Variants in CACNB2 observed in about 807,000 individuals in gnomAD.
CACNB2 encodes the protein calcium voltage-gated channel auxiliary subunit beta 2, also known as voltage-dependent L-type calcium channel subunit beta-2.
CACNB2 carries 42 observed loss-of-function variants against 73.3 expected under a neutral mutation model. That is an observed-to-expected ratio of 0.57 (90% CI 0.45 to 0.74). CACNB2 has a LOEUF of 0.74. Ranked by LOEUF, CACNB2 falls within the 30% of genes least tolerant of loss-of-function variation. The probability of loss-of-function intolerance (pLI) is 0.00; values close to 1 mark genes in which losing one functional copy is unlikely to be tolerated. For synonymous variants in CACNB2, 348 were observed against 310.3 expected (o/e 1.12, Z -1.28); for missense variants, 940 against 853.0 (o/e 1.10, Z -1.27).
intron 5 of CACNB2, 48 bp from the exon 6 acceptor site, chr10:18,506,423 G>A: frequency 1.1e-6 from 1 of 913,292 alleles, no homozygotes; most frequent in Non-Finnish European, 1.8e-6. Flanking sequence ...AATGTTTGAG[G>A]ATGCGAAATA....
intron 2 of CACNB2, among the ~76,000 whole-genome samples, chr10:18,397,311 A>G (rs1589236693): frequency 2.0e-5 from 3 of 152,268 alleles, no homozygotes; most frequent in African/African-American, 7.2e-5. Flanking sequence ...CTGAAAATAC[A>G]AAAATTAGCC....
intron 2 of CACNB2, among the ~76,000 whole-genome samples, chr10:18,193,422 A>G (rs985397875): frequency 6.6e-6 from 1 of 152,100 alleles, no homozygotes; most frequent in Non-Finnish European, 1.5e-5. Flanking sequence ...GCTTCTTTTT[A>G]TTAGGCCATT....
intron 3 of CACNB2, among the ~76,000 whole-genome samples, chr10:18,458,670 A>G (rs1194863137): frequency 3.9e-5 from 6 of 152,102 alleles, no homozygotes; most frequent in African/African-American, 1.4e-4. Flanking sequence ...ATTTTTTTTC[A>G]CTTGTTATTA....
chr10:18,198,040 A>G (rs2034705581), intron 2 of CACNB2, among the ~76,000 whole-genome samples: 1 of 148,096 alleles, frequency 6.8e-6, no homozygotes, highest in South Asian at 2.1e-4. Flanking sequence ...TAATATACAG[A>G]AAATATACAT....
chr10:18,164,497 C>T (rs1226533452), intron 2 of CACNB2, among the ~76,000 whole-genome samples: 3 of 152,080 alleles, frequency 2.0e-5, no homozygotes, highest in Non-Finnish European at 2.9e-5. Flanking sequence ...GACAATTCTG[C>T]AGGCAATGGG....
intron 3 of CACNB2, among the ~76,000 whole-genome samples, chr10:18,487,586 G>C (rs1484236441): frequency 6.6e-6 from 1 of 152,174 alleles, no homozygotes. Context: ...TGTTATCCCA[G>C]CACTTTGGGA....
At chr10:18,319,329 C>G (rs1444349581) in intron 2 of CACNB2, among the ~76,000 whole-genome samples, 1 of 152,116 alleles carries the variant, frequency 6.6e-6, no homozygotes, top group Non-Finnish European at 1.5e-5. Flanking sequence ...CCATCATCCT[C>G]AGCAAACTAA....
chr10:18,248,552 C>T (rs569453254), intron 2 of CACNB2, among the ~76,000 whole-genome samples: 2 of 152,154 alleles, frequency 1.3e-5, no homozygotes, highest in South Asian at 4.1e-4. Context: ...TGAGATTTTC[C>T]TCATTCATTT....
At chr10:18,175,974 T>C (rs2131180424) in intron 2 of CACNB2, among the ~76,000 whole-genome samples, 1 of 152,344 alleles carries the variant, frequency 6.6e-6, no homozygotes, top group South Asian at 2.1e-4. Context: ...ATTATACGTA[T>C]TTATGGTAGG....
chr10:18,470,032 C>T (rs1438116854), intron 3 of CACNB2, among the ~76,000 whole-genome samples: 2 of 151,868 alleles, frequency 1.3e-5, no homozygotes, highest in African/African-American at 4.8e-5. Flanking sequence ...ATCCACTTTG[C>T]AGTTAATATC....
At position 18,140,614 on chromosome 10, in the gene CACNB2, G is replaced by C; in HGVS notation, c.-123G>C. On this transcript the variant is annotated 5_prime_UTR_variant, in exon 1 of 14. Transcript: ENST00000324631. ...GGGGCGCTGCGGGGCGCTGCGCCGA[G>C]AACGGCCGGGCCTGAGCCCTGGGCG... 1.4e-6 allele frequency: 1 copy of C among 735,078 alleles called. No homozygotes were observed. Among genetic ancestry groups the C allele is most frequent in the South Asian group, 2.2e-5 (1 of 45,450 alleles). The allele number at this position is 735,078 out of a possible 1,614,324, so 45.5% of individuals were successfully genotyped here. A position where few individuals can be genotyped will look rare whatever the true frequency, so the allele number is the denominator to read the frequency against.
chr10:18,445,579 A>G (rs2046692423), intron 3 of CACNB2, among the ~76,000 whole-genome samples: 1 of 148,138 alleles, frequency 6.8e-6, no homozygotes, highest in Admixed American at 6.8e-5. Context: ...CAAGATGTGC[A>G]TGGGGAAATA....
intron 3 of CACNB2, among the ~76,000 whole-genome samples, chr10:18,410,122 A>G (rs1257793222): frequency 2.0e-5 from 3 of 152,076 alleles, no homozygotes; most frequent in Non-Finnish European, 2.9e-5. Flanking sequence ...TGCAGCTGCA[A>G]TCAGCTTTCT....
intron 2 of CACNB2, among the ~76,000 whole-genome samples, chr10:18,283,568 A>G (rs12252253): frequency 0.8 from 120,855 of 151,596 alleles, 48,460 homozygotes; most frequent in East Asian, 0.99. Context: ...ACTATCTCAA[A>G]GACAGAAAAC....
At chr10:18,426,746 T>G (rs2045619025) in intron 3 of CACNB2, among the ~76,000 whole-genome samples, 1 of 152,188 alleles carries the variant, frequency 6.6e-6, no homozygotes. Context: ...TTTTCAATTA[T>G]TTTTCATCTT....
At chr10:18,324,013 G>T (rs545993203) in intron 2 of CACNB2, among the ~76,000 whole-genome samples, 4 of 152,080 alleles carry the variant, frequency 2.6e-5, no homozygotes, top group Non-Finnish European at 5.9e-5. Context: ...AAATGATAGG[G>T]GAAAATACCA....
At chr10:18,518,246 A>T (rs958766290) in intron 7 of CACNB2, 90 bp from the exon 8 acceptor site, 7 of 872,086 alleles carry the variant, frequency 8.0e-6, no homozygotes, top group Non-Finnish European at 1.2e-5. Context: ...AGTGCCTCAT[A>T]TTATGGAGTT....
At chr10:18,534,447 T>G (rs963539674) in intron 11 of CACNB2, among the ~76,000 whole-genome samples, 8 of 152,164 alleles carry the variant, frequency 5.3e-5, no homozygotes, top group African/African-American at 1.9e-4. Context: ...TGAGACACTT[T>G]TAGAGGGTCC....
intron 3 of CACNB2, among the ~76,000 whole-genome samples, chr10:18,421,555 C>T (rs1466771380): frequency 6.6e-6 from 1 of 152,168 alleles, no homozygotes; most frequent in Non-Finnish European, 1.5e-5. Context: ...CCACCTCAAC[C>T]TCCCAAAGTT....
Sources: gnomAD v4.1 joint callset for allele counts (sites outside exome capture counted in the v4.1 genomes callset) on GRCh38, gnomAD v4.1.1 for gene constraint, MANE v1.5 for transcripts, NCBI Gene and HGNC (gene_info 2026-07-23, HGNC 2026-07-21) for gene names.